Variants in LHFPL3 observed in about 807,000 individuals in gnomAD.
LHFPL3 encodes the protein LHFPL tetraspan subfamily member 3, also known as LHFPL tetraspan subfamily member 3 protein.
A neutral mutation model predicts 19.3 loss-of-function variants in LHFPL3; 5 were observed. That is an observed-to-expected ratio of 0.26 (90% CI 0.14 to 0.54). The LOEUF (loss-of-function observed/expected upper bound fraction) is 0.54, where lower values mean the gene tolerates loss of function less well. LHFPL3 is among the 20% of genes least tolerant of loss of function. The pLI is 0.94. For synonymous variants in LHFPL3, 133 were observed against 126.2 expected, an observed-to-expected ratio of 1.05 and a Z score of -0.36; for missense variants, 249 against 307.4, an observed-to-expected ratio of 0.81 and a Z score of 1.42.
At position 104,404,892 on chromosome 7, in the gene LHFPL3, A is replaced by G. The variant is rs915178797; in HGVS notation, c.445+75668A>G. 3.9e-5 allele frequency among the ~76,000 whole-genome samples: 6 copies of G among 152,184 alleles called. No individual in the cohort carries two copies. The East Asian group carries it at 1.2e-3, about 29-fold the overall frequency. On this transcript the variant is annotated intron_variant, in intron 1 of 2. Transcript: ENST00000424859. ...GTCCATGTAGGTCAAGTAATTATCCATGTAAACTTTATACATTTACCTACA... is the reference window on the plus strand; with the variant it reads ...GTCCATGTAGGTCAAGTAATTATCCGTGTAAACTTTATACATTTACCTACA...
At chr7:104,409,465 A>C (rs1296659995) in intron 1 of LHFPL3, among the ~76,000 whole-genome samples, 1 of 151,968 alleles carries the variant, frequency 6.6e-6, no homozygotes, top group Non-Finnish European at 1.5e-5. Flanking sequence ...TGAATACAAA[A>C]ATTAGCTGGG....
chr7:104,341,913 C>A (rs940909789), intron 1 of LHFPL3, among the ~76,000 whole-genome samples: 1 of 152,114 alleles, frequency 6.6e-6, no homozygotes, highest in African/African-American at 2.4e-5. Context: ...AAAAAGGATT[C>A]ATCAGAAATC....
intron 1 of LHFPL3, among the ~76,000 whole-genome samples, chr7:104,413,228 C>T (rs1448235607): frequency 6.6e-6 from 1 of 152,180 alleles, no homozygotes; most frequent in Non-Finnish European, 1.5e-5. Flanking sequence ...TGACCTGCTT[C>T]TTTCCTGAAA....
chr7:104,407,207 T>C (rs952007827), intron 1 of LHFPL3, among the ~76,000 whole-genome samples: 6 of 152,234 alleles, frequency 3.9e-5, no homozygotes, highest in Admixed American at 3.9e-4. Flanking sequence ...CTAGGTTCTG[T>C]GGTTGGTGAA....
chr7:104,866,895 T>C (rs1791733639), intron 2 of LHFPL3, among the ~76,000 whole-genome samples: 1 of 152,184 alleles, frequency 6.6e-6, no homozygotes, highest in African/African-American at 2.4e-5. Context: ...CACAGTGCAA[T>C]GAAACTAGAA....
chr7:104,683,068 C>T (rs1792739581), intron 1 of LHFPL3, among the ~76,000 whole-genome samples: 1 of 152,198 alleles, frequency 6.6e-6, no homozygotes, highest in South Asian at 2.1e-4. Flanking sequence ...CGGCTCACTG[C>T]AACCTCCACC....
chr7:104,351,059 A>G lies in LHFPL3; in HGVS notation c.445+21835A>G, dbSNP rs535379755. On this transcript the variant is annotated intron_variant, in intron 1 of 2. Coordinates refer to ENST00000424859, the MANE Select transcript of LHFPL3 (RefSeq NM_199000.3). The stretch of plus-strand genomic sequence containing the variant: ...CCTCTAAAAAAAAAAAAAAAAAGGA[A>G]AGAAAAGGTCTCTTCGACAAGACAC... 1.7e-4 allele frequency among the ~76,000 whole-genome samples: 26 copies of G among 151,200 alleles called. No individual in the cohort carries two copies. The South Asian group carries it at 3.6e-3, about 21-fold the overall frequency.
At chr7:104,349,979 C>G (rs1423209938) in intron 1 of LHFPL3, among the ~76,000 whole-genome samples, 1 of 152,138 alleles carries the variant, frequency 6.6e-6, no homozygotes, top group Non-Finnish European at 1.5e-5. Context: ...TTTCCTTATA[C>G]CAAGTACTAT....
intron 1 of LHFPL3, among the ~76,000 whole-genome samples, chr7:104,526,005 G>C (rs967227039): frequency 6.6e-6 from 1 of 152,044 alleles, no homozygotes; most frequent in Non-Finnish European, 1.5e-5. Flanking sequence ...GAAGAGCCTT[G>C]TTCCCTCCTT....
At chr7:104,888,124 C>T (rs890531161) in intron 2 of LHFPL3, among the ~76,000 whole-genome samples, 2 of 152,228 alleles carry the variant, frequency 1.3e-5, no homozygotes, top group African/African-American at 4.8e-5. Context: ...TACATACATG[C>T]TCACTCAGGG....
At chr7:104,420,878 C>T (rs6980365) in intron 1 of LHFPL3, among the ~76,000 whole-genome samples, 16,195 of 152,144 alleles carry the variant, frequency 0.11, 1,016 homozygotes, top group East Asian at 0.26. Flanking sequence ...AGGGTGAATT[C>T]AGTATAGTAG....
intron 2 of LHFPL3, among the ~76,000 whole-genome samples, chr7:104,794,001 T>G (rs1790071185): frequency 6.6e-6 from 1 of 152,216 alleles, no homozygotes; most frequent in Non-Finnish European, 1.5e-5. Context: ...ATAAAGGAAC[T>G]GGAGCTGTTT....
chr7:104,701,449 ATAAAG>A (rs1217312758), intron 1 of LHFPL3, among the ~76,000 whole-genome samples: 2 of 152,258 alleles, frequency 1.3e-5, no homozygotes, highest in African/African-American at 4.8e-5. Flanking sequence ...TATTCTTATA[ATAAAG>A]TAAACTAGAG....
At chr7:104,474,162 T>C (rs923954967) in intron 1 of LHFPL3, among the ~76,000 whole-genome samples, 1 of 152,138 alleles carries the variant, frequency 6.6e-6, no homozygotes, top group Admixed American at 6.5e-5. Flanking sequence ...ACCAATTGTA[T>C]AAGAAAATCA....
At chr7:104,827,622 T>C (rs1390416651) in intron 2 of LHFPL3, among the ~76,000 whole-genome samples, 1 of 151,786 alleles carries the variant, frequency 6.6e-6, no homozygotes, top group African/African-American at 2.4e-5. Context: ...GTTTTTTTTT[T>C]TGATTGATAG....
At chr7:104,698,340 G>T (rs928189797) in intron 1 of LHFPL3, among the ~76,000 whole-genome samples, 1 of 152,126 alleles carries the variant, frequency 6.6e-6, no homozygotes. Flanking sequence ...ACCAATTAAA[G>T]TTAACCATTT....
At chr7:104,456,232 C>T (rs56130324) in intron 1 of LHFPL3, among the ~76,000 whole-genome samples, 1,740 of 152,234 alleles carry the variant, frequency 0.011, 27 homozygotes, top group African/African-American at 0.039. Context: ...AAAATTATGA[C>T]TAGATAATTA....
intron 1 of LHFPL3, among the ~76,000 whole-genome samples, chr7:104,455,696 G>A (rs1792525057): frequency 6.6e-6 from 1 of 152,098 alleles, no homozygotes; most frequent in African/African-American, 2.4e-5. Flanking sequence ...ACTCCCACTT[G>A]AGCAAAACAG....
rs1334252842 is a variant in LHFPL3 at position 104,399,626 on chromosome 7, T to G, written c.445+70402T>G. ...ACAAGCACCTGCCACCACACCGGGC[T>G]AAGTTTTGCATTTTTTTTTTTTTTT... On this transcript the variant is annotated intron_variant, in intron 1 of 2. Coordinates refer to ENST00000424859, the MANE Select transcript of LHFPL3 (RefSeq NM_199000.3). The surrounding 1 kb of genome is among the most constrained non-coding windows in gnomAD (Gnocchi z 4.4). Among the ~76,000 whole-genome samples, 1 of 149,450 alleles carries G rather than the reference T, an allele frequency of 6.7e-6. No individual in the cohort carries two copies. The highest frequency in any genetic ancestry group is 2.0e-4 in the East Asian group (1 of 5,008).
Sources: gnomAD v4.1 joint callset for allele counts (sites outside exome capture counted in the v4.1 genomes callset) on GRCh38, gnomAD v4.1.1 for gene constraint, Gnocchi (gnomAD v3.1) non-coding constraint, MANE v1.5 for transcripts, NCBI Gene and HGNC (gene_info 2026-07-23, HGNC 2026-07-21) for gene names.